The following PTPN7 variants were observed in gnomAD, a reference collection of about 807,000 sequenced individuals.
PTPN7 encodes protein tyrosine phosphatase non-receptor type 7.
In PTPN7, 33 loss-of-function variants were observed where a neutral mutation model predicts 50.3. The ratio of observed to expected loss-of-function variants is 0.66; its 90% confidence interval spans 0.50 to 0.88. PTPN7 has a LOEUF of 0.88. Ranked by LOEUF, PTPN7 falls within the 40% of genes least tolerant of loss-of-function variation. The probability of loss-of-function intolerance (pLI) is 0.00; values close to 1 mark genes in which losing one functional copy is unlikely to be tolerated. For synonymous variants in PTPN7, 185 were observed against 186.6 expected (o/e 0.99, Z 0.07); for missense variants, 412 against 475.4 (o/e 0.87, Z 1.24).
At chr1:202,149,744 C>CTTCTT (rs1558312788) in intron 9 of PTPN7, 2 of 151,866 alleles carry the variant, frequency 1.3e-5, no homozygotes, top group Non-Finnish European at 2.9e-5. Context: ...ACCCAGTGAT[C>CTTCTT]TTCTTTGCAC....
chr1:202,161,012 C>G, upstream of PTPN7: 1 of 1,020,812 alleles, frequency 9.8e-7, no homozygotes. Context: ...CCCCACAGCC[C>G]TCTCCCTCAA....
chr1:202,157,977 G>T, intron 3 of PTPN7, 141 bp downstream of exon 3: 6 of 1,255,170 alleles, frequency 4.8e-6, no homozygotes, highest in Non-Finnish European at 6.6e-6. Context: ...CCTGGGGGCA[G>T]CCCCTCCCTC....
At chr1:202,148,915 G>A (rs556302743) in intron 9 of PTPN7, among the ~76,000 whole-genome samples, 3 of 139,986 alleles carry the variant, frequency 2.1e-5, no homozygotes, top group African/African-American at 8.2e-5. Context: ...GAGAGCAGTG[G>A]TATGATCTCA....
rs1657235555 is a variant in PTPN7, at chr1:202,160,360, T to C, written c.-53+185A>G. On this transcript the variant is annotated intron_variant, in intron 1 of 9. Coordinates refer to ENST00000691036, the MANE Select transcript of PTPN7 (RefSeq NM_002832.4). The surrounding 1 kb of genome is among the most constrained non-coding windows in gnomAD (Gnocchi z 4.8). ...CTTCAGCCTCTGCTCTCCTTGTAGC[T>C]CCCTGTGGCTTCCCTGCTCACCCCC... Among the ~76,000 whole-genome samples the C allele has an allele frequency of 1.3e-5, 2 of 152,024 alleles. No individual in the cohort carries two copies. Among genetic ancestry groups the C allele is most frequent in the Admixed American group, 6.5e-5 (1 of 15,268 alleles).
chr1:202,150,670 G>A (rs1312213348), intron 8 of PTPN7, among the ~76,000 whole-genome samples: 1 of 152,166 alleles, frequency 6.6e-6, no homozygotes, highest in African/African-American at 2.4e-5. Flanking sequence ...CCTGTTGCAG[G>A]CCACCTTTTG....
At chr1:202,161,037 A>C, upstream of PTPN7, 4 of 1,386,576 alleles carry the variant, frequency 2.9e-6, no homozygotes, top group Non-Finnish European at 1.8e-6. Flanking sequence ...CTCTCCCTCA[A>C]GGCCCTCTCC....
upstream of PTPN7, chr1:202,161,333 T>C: frequency 8.4e-7 from 1 of 1,187,094 alleles, no homozygotes; most frequent in Non-Finnish European, 1.1e-6. Flanking sequence ...CCCTGGGCCC[T>C]CAGCCCCCTG....
In PTPN7 at chr1:202,159,866, C is replaced by G; in HGVS notation, c.-52-412G>C. On this transcript the variant is annotated intron_variant, in intron 1 of 9. Coordinates refer to ENST00000691036, the MANE Select transcript of PTPN7 (RefSeq NM_002832.4). This position sits in a 1 kb window ranked among gnomAD's most constrained non-coding sequence, Gnocchi z 4.6. The stretch of plus-strand genomic sequence containing the variant: ...TCTCTGAGCTAACCAGTGGGCCTTC[C>G]CCTGAACAGAGAATGGAGGCCTCCA... 9.6e-7 allele frequency: 1 copy of G among 1,045,152 alleles called. No homozygotes were observed. Among genetic ancestry groups the G allele is most frequent in the South Asian group, 4.1e-5 (1 of 24,400 alleles). 64.7% of individuals were successfully genotyped at this position (1,045,152 alleles called of 1,614,324 possible).
chr1:202,149,829 GTTTTTTTTTTTTTTTT>G (rs67499965), intron 9 of PTPN7: 1 of 92,914 alleles, frequency 1.1e-5, no homozygotes, highest in Non-Finnish European at 2.1e-5. Context: ...TCTTTTTTTT[GTTTTTTTTTTTTTTTT>G]TTTTTGAGTC....
At chr1:202,156,477 G>A (rs993852535) in intron 4 of PTPN7, among the ~76,000 whole-genome samples, 1 of 152,216 alleles carries the variant, frequency 6.6e-6, no homozygotes, top group African/African-American at 2.4e-5. Flanking sequence ...CTCTAAGGGG[G>A]AAGGATTTCT....
chr1:202,159,122 A>C lies in PTPN7; in HGVS notation c.122+159T>G. 1.5e-6 allele frequency: 1 copy of C among 674,112 alleles called. No individual in the cohort carries two copies. The highest frequency in any genetic ancestry group is 2.6e-6 in the Non-Finnish European group (1 of 386,772). The allele number at this position is 674,112 out of a possible 1,614,324, so 41.8% of individuals were successfully genotyped here. The stretch of plus-strand genomic sequence containing the variant: ...ACTCTGTGCTCCAGACATGCAAAAG[A>C]CATGCAAATGAGCACTACTGGTTTC... On this transcript the variant is annotated intron_variant, in intron 2 of 9. Coordinates refer to ENST00000691036, the MANE Select transcript of PTPN7 (RefSeq NM_002832.4). The surrounding 1 kb of genome is among the most constrained non-coding windows in gnomAD (Gnocchi z 4.6).
upstream of PTPN7, chr1:202,160,688 T>C: frequency 6.4e-7 from 1 of 1,550,490 alleles, no homozygotes; most frequent in Non-Finnish European, 8.7e-7. This position sits in a 1 kb window ranked among gnomAD's most constrained non-coding sequence, Gnocchi z 4.8. Flanking sequence ...CCAGCTGCAT[T>C]CTGCCCTCCT....
Position 202,159,141 on chromosome 1 carries a change from T to C in PTPN7, c.122+140A>G. 1.3e-6 allele frequency: 1 copy of C among 760,956 alleles called. No homozygotes were observed. The highest frequency in any genetic ancestry group is 2.5e-5 in the East Asian group (1 of 39,900). The allele number at this position is 760,956 out of a possible 1,614,324, so 47.1% of individuals were successfully genotyped here. A position where few individuals can be genotyped will look rare whatever the true frequency, so the allele number is the denominator to read the frequency against. ...CAAAAGACATGCAAATGAGCACTAC[T>C]GGTTTCCTTTCCAAATTGGAGTCAA... On this transcript the variant is annotated intron_variant, in intron 2 of 9. Transcript: ENST00000691036. This position sits in a 1 kb window ranked among gnomAD's most constrained non-coding sequence, Gnocchi z 4.6.
chr1:202,152,833 C>T, intron 7 of PTPN7, 134 bp from the exon 8 acceptor site: 1 of 1,003,474 alleles, frequency 1.0e-6, no homozygotes, highest in Non-Finnish European at 1.4e-6. Context: ...AGCTAGGTTG[C>T]AATTTTCGTG....
intron 5 of PTPN7, 136 bp downstream of exon 5, chr1:202,155,397 G>A (rs776709771): frequency 1.8e-5 from 15 of 848,684 alleles, no homozygotes; most frequent in Non-Finnish European, 2.6e-5. Context: ...AGCTTGGTAG[G>A]GCTATGACAG....
In PTPN7 at chr1:202,152,688, C is replaced by G; in HGVS notation, c.729G>C (p.Glu243Asp). Residue 243 changes from glutamate to aspartate, a missense_variant, in exon 8 of 10, where the codon GAG (glutamate) becomes GAC (aspartate). Transcript: ENST00000691036. ...VRQLTIQYQE[E>D]RRSVKHILFS... ...AGAGGATGTGCTTTACTGACCGGCG[C>G]TCTTCCTGGTACTGGATTGGAGACA... 1 of 1,614,092 alleles carries G rather than the reference C, an allele frequency of 6.2e-7. No individual in the cohort carries two copies. The highest frequency in any genetic ancestry group is 1.3e-5 in the African/African-American group (1 of 75,038).
At chr1:202,155,005 T>G (rs976262223) in intron 5 of PTPN7, among the ~76,000 whole-genome samples, 4 of 152,140 alleles carry the variant, frequency 2.6e-5, no homozygotes, top group African/African-American at 9.7e-5. Context: ...CCACATTGAG[T>G]CACTAGAGAG....
intron 4 of PTPN7, among the ~76,000 whole-genome samples, chr1:202,157,510 TA>T (rs113043271): frequency 0.016 from 2,235 of 142,030 alleles, 21 homozygotes; most frequent in Non-Finnish European, 0.023. Context: ...AACTCCGTCT[TA>T]AAAAAAAAAA....
At chr1:202,161,194 C>A (rs569859229), upstream of PTPN7, 180 of 1,125,078 alleles carry the variant, frequency 1.6e-4, no homozygotes, top group African/African-American at 2.7e-3. Flanking sequence ...GGGCCGGGGC[C>A]AGGCCAAAAA....
Sources: allele counts gnomAD v4.1 joint callset (sites outside exome capture counted in the v4.1 genomes callset), GRCh38; gene constraint gnomAD v4.1.1; non-coding constraint Gnocchi (gnomAD v3.1); transcripts MANE v1.5; gene names NCBI Gene and HGNC (gene_info 2026-07-23, HGNC 2026-07-21).